Variants in CLCA2 observed in about 807,000 individuals in gnomAD.
CLCA2 encodes the protein calcium-activated chloride channel regulator 2.
In CLCA2, 85 loss-of-function variants were observed where a neutral mutation model predicts 82.9. The observed-to-expected ratio is 1.03, with a 90% confidence interval of 0.86 to 1.23. CLCA2 has a LOEUF of 1.23. CLCA2 is among the 50% of genes most tolerant of loss of function. The pLI, the probability that CLCA2 is intolerant of heterozygous loss-of-function variation, is 0.00. For missense variants in CLCA2, 1,089 were observed against 1,124.8 expected (o/e 0.97, Z 0.45); for synonymous variants, 421 against 391.7 (o/e 1.07, Z -0.88).
intron 4 of CLCA2, 146 bp from the exon 5 acceptor site, chr1:86,432,223 A>C: frequency 1.2e-6 from 1 of 867,490 alleles, no homozygotes; most frequent in Non-Finnish European, 1.7e-6. Context: ...GGTGTGAGCC[A>C]CAGCACCCCG....
In CLCA2 at chr1:86,439,455, G is replaced by A. The variant is rs929210009; in HGVS notation, c.1203+349G>A. On this transcript the variant is annotated intron_variant, in intron 7 of 13. Transcript: ENST00000370565. The stretch of plus-strand genomic sequence containing the variant: ...GCCATTTTTACCTTTCAATTTTCTT[G>A]TCAAAATCAGCATGTCTAGCTTCTG... Among the ~76,000 whole-genome samples the A allele has an allele frequency of 1.1e-4, 17 of 152,244 alleles. No individual in the cohort carries two copies. In the South Asian group the frequency reaches 3.5e-3, roughly 32 times the overall value.
At chr1:86,445,430 T>C (rs1469145684) in intron 10 of CLCA2, 1 of 149,598 alleles carries the variant, frequency 6.7e-6, no homozygotes, top group Non-Finnish European at 1.5e-5. Context: ...AATCTCTCAG[T>C]TGTAGATTTT....
At position 86,441,764 on chromosome 1, in the gene CLCA2, G is replaced by A. The variant is rs979038527; in HGVS notation, c.1488+221G>A. Among the ~76,000 whole-genome samples, 5 of 152,236 alleles carry A rather than the reference G, an allele frequency of 3.3e-5. 1 individual carries two copies. Among genetic ancestry groups the A allele is most frequent in the Middle Eastern group, 6.3e-3 (2 of 316 alleles). On this transcript the variant is annotated intron_variant, in intron 9 of 13. Coordinates refer to ENST00000370565, the MANE Select transcript of CLCA2 (RefSeq NM_006536.7). ...GCCACCTCAGCTTTTCAAAGTCTGCGAGTGGAGCTTGTTCCTTTCTTGTGG... is the reference window on the plus strand; with the variant it reads ...GCCACCTCAGCTTTTCAAAGTCTGCAAGTGGAGCTTGTTCCTTTCTTGTGG...
At chr1:86,429,527 G>T (rs982683185) in intron 3 of CLCA2, among the ~76,000 whole-genome samples, 1 of 152,128 alleles carries the variant, frequency 6.6e-6, no homozygotes, top group African/African-American at 2.4e-5. Context: ...ACTATGCCAG[G>T]GAAAGTGGTT....
chr1:86,434,139 A>T (rs544991592), intron 5 of CLCA2, among the ~76,000 whole-genome samples: 1 of 152,288 alleles, frequency 6.6e-6, no homozygotes, highest in South Asian at 2.1e-4. Context: ...TATTCCAAGG[A>T]GTAGGCTGAT....
At chr1:86,424,795 G>A (rs925591933) in intron 1 of CLCA2, among the ~76,000 whole-genome samples, 32 of 152,196 alleles carry the variant, frequency 2.1e-4, no homozygotes, top group African/African-American at 7.0e-4. Flanking sequence ...TAATGAGCAT[G>A]CTTGTTAAAA....
At chr1:86,427,642 T>C (rs3765978) in intron 2 of CLCA2, among the ~76,000 whole-genome samples, 128,563 of 151,774 alleles carry the variant, frequency 0.85, 54,599 homozygotes, top group Non-Finnish European at 0.86. Context: ...TCTATTTTTC[T>C]AAAATCAGCT....
rs779973019 is a variant in CLCA2 at position 86,425,354 on chromosome 1, G to A, written c.202G>A (p.Ala68Thr). The change falls in exon 2 of 14, where the codon GCT becomes ACT. Residue 68 changes from alanine (A) to threonine (T), a missense_variant. Physicochemically the swap from Ala to Thr is moderately conservative, Grantham distance 58 (BLOSUM62 0). Coordinates refer to ENST00000370565, the MANE Select transcript of CLCA2 (RefSeq NM_006536.7). The part of the protein sequence containing the change: ...ISNIKEMITE[A>T]SFYLFNATKR... The stretch of plus-strand genomic sequence containing the variant: ...CTGGCTGTAGGAAATGATAACTGAA[G>A]CTTCATTTTACCTATTTAATGCTAC... 2 of 1,555,724 alleles carry A rather than the reference G, an allele frequency of 1.3e-6. No individual in the cohort carries two copies. The highest frequency in any genetic ancestry group is 1.4e-5 in the African/African-American group (1 of 72,294).
At chr1:86,430,753 G>C (rs985027841) in intron 3 of CLCA2, 109 bp from the exon 4 acceptor site, 3 of 803,168 alleles carry the variant, frequency 3.7e-6, no homozygotes, top group Middle Eastern at 4.6e-4. Flanking sequence ...TAAACTCTTT[G>C]GTCATTCCAA....
Position 86,425,885 on chromosome 1 carries a change from G to A in CLCA2, c.324+409G>A, listed in dbSNP as rs1021161975. Among the ~76,000 whole-genome samples, 6 of 152,206 alleles carry A rather than the reference G, an allele frequency of 3.9e-5. No individual in the cohort carries two copies. In the South Asian group the frequency reaches 1.0e-3, roughly 26 times the overall value. Reference sequence around the variant, plus strand: ...TCCAGACAGAAATATAAACCACCATGCATATAAAAATATGACTGCCATCTT... The same window carrying A: ...TCCAGACAGAAATATAAACCACCATACATATAAAAATATGACTGCCATCTT... On this transcript the variant is annotated intron_variant, in intron 2 of 13. Coordinates refer to ENST00000370565, the MANE Select transcript of CLCA2 (RefSeq NM_006536.7).
At chr1:86,448,056 G>A in intron 11 of CLCA2, 1 of 446,730 alleles carries the variant, frequency 2.2e-6, no homozygotes, top group Non-Finnish European at 4.0e-6. Context: ...ACTTGCTGAG[G>A]TCATACAGGA....
At chr1:86,451,753 C>T (rs1662972173) in intron 12 of CLCA2, among the ~76,000 whole-genome samples, 1 of 152,134 alleles carries the variant, frequency 6.6e-6, no homozygotes, top group Admixed American at 6.6e-5. Context: ...GGGCAAGTGA[C>T]TTAGCTTCTG....
chr1:86,447,469 T>C (rs1252383047), intron 10 of CLCA2, 39 bp from the exon 11 acceptor site: 2 of 1,580,176 alleles, frequency 1.3e-6, no homozygotes, highest in Non-Finnish European at 1.7e-6. Flanking sequence ...GGTTGATTTT[T>C]TTTTCACACT....
At chr1:86,454,348 G>A (rs931054907) in intron 13 of CLCA2, among the ~76,000 whole-genome samples, 2 of 152,138 alleles carry the variant, frequency 1.3e-5, no homozygotes, top group Non-Finnish European at 2.9e-5. Context: ...TTTAATTACT[G>A]AGGTATTATA....
At chr1:86,430,430 T>C (rs1160827587) in intron 3 of CLCA2, among the ~76,000 whole-genome samples, 3 of 152,110 alleles carry the variant, frequency 2.0e-5, no homozygotes, top group East Asian at 3.9e-4. Flanking sequence ...AAAAAGCAGG[T>C]CTGCTTGGAT....
rs765474883 is a variant in CLCA2, at chr1:86,453,544, A to G, written c.2331A>G (p.Val777=). 6.2e-7 allele frequency: 1 copy of G among 1,614,204 alleles called. No homozygotes were observed. Among genetic ancestry groups the G allele is most frequent in the Non-Finnish European group, 8.5e-7 (1 of 1,180,026 alleles). ...TTATTGACCTGGAAGCTGTAAAAGTAGAAGAGGAATTGACCCTATCTTGGA... is the reference window on the plus strand; with the variant it reads ...TTATTGACCTGGAAGCTGTAAAAGTGGAAGAGGAATTGACCCTATCTTGGA... ...CKIIDLEAVK[V]EEELTLSWTA... The change falls in exon 13 of 14, where the codon GTA becomes GTG. Residue 777 remains valine, a synonymous_variant. Coordinates refer to ENST00000370565, the MANE Select transcript of CLCA2 (RefSeq NM_006536.7).
chr1:86,445,587 A>G (rs1235289374), intron 10 of CLCA2: 1 of 151,566 alleles, frequency 6.6e-6, no homozygotes, highest in South Asian at 2.1e-4. Flanking sequence ...TTTTAAGGGG[A>G]TTGGACACAC....
chr1:86,445,309 T>C (rs1662826215), intron 10 of CLCA2: 1 of 152,082 alleles, frequency 6.6e-6, no homozygotes. Flanking sequence ...GTCTGTCTTT[T>C]GTTCAAAACC....
intron 9 of CLCA2, among the ~76,000 whole-genome samples, chr1:86,443,235 G>A: frequency 6.6e-6 from 1 of 152,044 alleles, no homozygotes; most frequent in East Asian, 1.9e-4. Flanking sequence ...CACCATGTTG[G>A]CCAGACTAGT....
Sources: gnomAD v4.1 joint callset for allele counts (sites outside exome capture counted in the v4.1 genomes callset) on GRCh38, gnomAD v4.1.1 for gene constraint, MANE v1.5 for transcripts, NCBI Gene and HGNC (gene_info 2026-07-23, HGNC 2026-07-21) for gene names.